The following NOS3 variants were observed in gnomAD, a reference collection of about 807,000 sequenced individuals.
NOS3 encodes the protein nitric oxide synthase 3.
A neutral mutation model predicts 144.9 loss-of-function variants in NOS3; 98 were observed. That is an observed-to-expected ratio of 0.68 (90% CI 0.57 to 0.80). The LOEUF is 0.80. NOS3 is among the 30% of genes least tolerant of loss of function. The pLI is 0.00. For missense variants in NOS3, 1,465 were observed against 1,656.4 expected (o/e 0.88, Z 2.01); for synonymous variants, 714 against 702.4 (o/e 1.02, Z -0.26).
Position 150,996,485 on chromosome 7 carries a change from CCGGCCCCT to C in NOS3, c.353_360del (p.Pro118ArgfsTer19), listed in dbSNP as rs1432841002. ...ACAGGGCCGGCCCTCCCCCGGCCCC[CCGGCCCCT>C]GAGCAGCTGCTGAGTCAGGCCCGGG... On this transcript the variant is annotated frameshift_variant, in exon 4 of 27. Coordinates refer to ENST00000297494, the MANE Select transcript of NOS3 (RefSeq NM_000603.5). LOFTEE classifies it high-confidence loss of function. The C allele has an allele frequency of 1.9e-6, 3 of 1,602,358 alleles. No individual in the cohort carries two copies. In the African/African-American group the frequency reaches 4.1e-5, roughly 22 times the overall value.
intron 21 of NOS3, 86 bp downstream of exon 21, chr7:151,010,373 G>A: frequency 7.5e-7 from 1 of 1,332,056 alleles, no homozygotes; most frequent in Non-Finnish European, 1.0e-6. Flanking sequence ...CCCATGCAAA[G>A]TCCCCCCTGG....
chr7:151,011,356 G>T (rs1215676462), intron 23 of NOS3, among the ~76,000 whole-genome samples: 2 of 84,558 alleles, frequency 2.4e-5, no homozygotes, highest in South Asian at 6.6e-4. Context: ...TACTAGTTAG[G>T]GTTAAGACCA....
chr7:150,999,605 GGTGA>G (rs1474725763), intron 9 of NOS3, among the ~76,000 whole-genome samples: 4 of 151,732 alleles, frequency 2.6e-5, no homozygotes, highest in Admixed American at 1.3e-4. Flanking sequence ...GTGTGCAGTG[GGTGA>G]GAGTGTGGGC....
chr7:151,007,020 A>T lies in NOS3; in HGVS notation c.1937+15A>T, dbSNP rs750832534. On this transcript the variant is annotated intron_variant, in intron 16 of 26. Coordinates refer to ENST00000297494, the MANE Select transcript of NOS3 (RefSeq NM_000603.5). ...GGCACCCTCAGGTCAGGGCCTCACC[A>T]AGAGGGGTGCAACGGGTGGGCAAGC... 1 of 1,613,744 alleles carries T rather than the reference A, an allele frequency of 6.2e-7. No homozygotes were observed. Among genetic ancestry groups the T allele is most frequent in the South Asian group, 1.1e-5 (1 of 91,068 alleles).
chr7:151,013,515 C>T (rs1795355423), intron 25 of NOS3, 136 bp downstream of exon 25: 2 of 1,231,340 alleles, frequency 1.6e-6, no homozygotes, highest in Non-Finnish European at 1.1e-6. Flanking sequence ...CACACTCTGG[C>T]CCACCCTTGT....
In NOS3 at chr7:151,003,716, C is replaced by G. The variant is rs1038830692; in HGVS notation, c.1752+1412C>G. On this transcript the variant is annotated intron_variant, in intron 14 of 26. Transcript: ENST00000297494. This position sits in a 1 kb window ranked among gnomAD's most constrained non-coding sequence, Gnocchi z 4.1. ...AATAGTTTCGCCTGCTCTAGAACGGCACCTAGATGGAAGCACGCAGTGTTG... is the reference window on the plus strand; with the variant it reads ...AATAGTTTCGCCTGCTCTAGAACGGGACCTAGATGGAAGCACGCAGTGTTG... 10 of 512,740 alleles carry G rather than the reference C, an allele frequency of 2.0e-5. No individual in the cohort carries two copies. In the African/African-American group the frequency reaches 2.0e-4, roughly 10 times the overall value. The allele number at this position is 512,740 out of a possible 1,614,324, so 31.8% of individuals were successfully genotyped here.
rs1584916535 is a variant in NOS3 at position 151,014,260 on chromosome 7, A to AGGT, written c.*96_*98dup. 1 of 1,293,232 alleles carries AGGT rather than the reference A, an allele frequency of 7.7e-7. No homozygotes were observed. The highest frequency in any genetic ancestry group is 2.5e-5 in the East Asian group (1 of 39,582). 80.1% of individuals were successfully genotyped at this position (1,293,232 alleles called of 1,614,324 possible). On this transcript the variant is annotated 3_prime_UTR_variant, in exon 27 of 27. Coordinates refer to ENST00000297494, the MANE Select transcript of NOS3 (RefSeq NM_000603.5). ...GATCAGCCCCGCTCCTCCCCTCTTGAGGTGGTGCCTTCTCACATCTGTCCA... is the reference window on the plus strand; with the variant it reads ...GATCAGCCCCGCTCCTCCCCTCTTGAGGTGGTGGTGCCTTCTCACATCTGTCCA...
chr7:150,994,600 C>G (rs772483748), intron 2 of NOS3, among the ~76,000 whole-genome samples: 1 of 152,104 alleles, frequency 6.6e-6, no homozygotes, highest in African/African-American at 2.4e-5. Context: ...AGGAAAGACC[C>G]GGAGGCCTGG....
rs190683491 is a variant in NOS3 at position 151,002,568 on chromosome 7, C to T, written c.1752+264C>T. ...CTGCAAGCACATTTGCTTAACTGCG[C>T]GTCCCCAAGTCATTTCCATTATCAG... On this transcript the variant is annotated intron_variant, in intron 14 of 26. Transcript: ENST00000297494. This position sits in a 1 kb window ranked among gnomAD's most constrained non-coding sequence, Gnocchi z 4.1. Among the ~76,000 whole-genome samples the T allele has an allele frequency of 4.7e-3, 715 of 152,274 alleles. 8 individuals carry two copies. Among genetic ancestry groups the T allele is most frequent in the Non-Finnish European group, 6.7e-3 (459 of 68,020 alleles).
intron 11 of NOS3, 32 bp from the exon 12 acceptor site, chr7:151,001,512 C>T (rs1795096847): frequency 6.2e-7 from 1 of 1,611,164 alleles, no homozygotes; most frequent in African/African-American, 1.3e-5. Flanking sequence ...CTTTTCTTTA[C>T]CTCCCCTCCC....
chr7:150,991,683 C>A (rs1802257511), intron 1 of NOS3, among the ~76,000 whole-genome samples: 1 of 152,096 alleles, frequency 6.6e-6, no homozygotes, highest in African/African-American at 2.4e-5. Flanking sequence ...CAGGGACGGG[C>A]CACAGCCAGT....
At chr7:151,012,584 A>G in intron 24 of NOS3, 112 bp downstream of exon 24, 2 of 1,332,166 alleles carry the variant, frequency 1.5e-6, no homozygotes, top group South Asian at 2.9e-5. Flanking sequence ...AAAGTCCACA[A>G]AGCTGAAAAG....
chr7:151,000,900 C>G (rs1312831769), intron 10 of NOS3, among the ~76,000 whole-genome samples: 1 of 152,086 alleles, frequency 6.6e-6, no homozygotes, highest in African/African-American at 2.4e-5. Flanking sequence ...CCCGCTGGAT[C>G]CTGGAAACAA....
chr7:151,014,116 G>C lies in NOS3; in HGVS notation c.3559G>C (p.Gly1187Arg), dbSNP rs541336826. ...TTCCTTGCAGGAGCGTCAGTTGCGG[G>C]GCGCAGTGCCCTGGGCGTTCGACCC... ...SFSLQERQLR[G>R]AVPWAFDPPG... is the part of the protein sequence containing the mutation. Residue 1187 changes from glycine (G) to arginine (R), a missense_variant, in exon 27 of 27, where the codon GGC (glycine) becomes CGC (arginine). Gly to Arg is a moderately radical substitution (Grantham distance 125, BLOSUM62 -2). Transcript: ENST00000297494. 1.2e-6 allele frequency: 2 copies of C among 1,613,368 alleles called. No individual in the cohort carries two copies. The highest frequency in any genetic ancestry group is 2.7e-5 in the African/African-American group (2 of 74,938).
intron 4 of NOS3, 78 bp downstream of exon 4, chr7:150,996,630 C>G (rs750962672): frequency 6.0e-6 from 9 of 1,507,770 alleles, no homozygotes; most frequent in Non-Finnish European, 8.1e-6. Flanking sequence ...TCCCATGACC[C>G]CCTCCCTTCC....
At position 150,998,864 on chromosome 7, in the gene NOS3, A is replaced by C; in HGVS notation, c.817-82A>C. ...AGCCAATGAGGGACCCTGGAGATGA[A>C]GGCAGGAGACAGTGGATGGAGGGGT... On this transcript the variant is annotated intron_variant, in intron 7 of 26. Transcript: ENST00000297494. This position sits in a 1 kb window ranked among gnomAD's most constrained non-coding sequence, Gnocchi z 5.0. 1.3e-6 allele frequency: 2 copies of C among 1,534,022 alleles called. No individual in the cohort carries two copies. Among genetic ancestry groups the C allele is most frequent in the Non-Finnish European group, 1.8e-6 (2 of 1,135,274 alleles).
At chr7:151,008,281 A>G (rs994189622) in intron 17 of NOS3, among the ~76,000 whole-genome samples, 7 of 152,152 alleles carry the variant, frequency 4.6e-5, no homozygotes, top group African/African-American at 1.7e-4. Flanking sequence ...GCACCACAAA[A>G]GAAAGATTAA....
chr7:150,996,570 G>T lies in NOS3; in HGVS notation c.419+18G>T. 6.3e-7 allele frequency: 1 copy of T among 1,579,604 alleles called. No individual in the cohort carries two copies. The highest frequency in any genetic ancestry group is 1.1e-5 in the South Asian group (1 of 88,008). ...ATTAAGAGGTGACAGCTTCCCGGAC[G>T]CCACAGCCTCCCTTGTCCCACTGAG... On this transcript the variant is annotated intron_variant, in intron 4 of 26. Coordinates refer to ENST00000297494, the MANE Select transcript of NOS3 (RefSeq NM_000603.5).
chr7:151,012,285 C>T, intron 23 of NOS3, 66 bp from the exon 24 acceptor site: 10 of 1,475,974 alleles, frequency 6.8e-6, no homozygotes, highest in Non-Finnish European at 9.2e-6. Context: ...CTCCACCCAC[C>T]CTGCATGGTG....
Sources: gnomAD v4.1 joint callset for allele counts (sites outside exome capture counted in the v4.1 genomes callset) on GRCh38, gnomAD v4.1.1 for gene constraint, Gnocchi (gnomAD v3.1) non-coding constraint, MANE v1.5 for transcripts, NCBI Gene and HGNC (gene_info 2026-07-23, HGNC 2026-07-21) for gene names.